The following C8orf34 variants were observed in gnomAD, a reference collection of about 807,000 sequenced individuals.
C8orf34 encodes chromosome 8 open reading frame 34.
A neutral mutation model predicts 68.3 loss-of-function variants in C8orf34; 65 were observed. The ratio of observed to expected loss-of-function variants is 0.95; its 90% CI spans 0.78 to 1.17. The LOEUF (loss-of-function observed/expected upper bound fraction) is 1.17. Among genes scored for constraint, C8orf34 ranks in the 50% most tolerant of loss-of-function variants. The pLI, the probability that C8orf34 is intolerant of heterozygous loss-of-function variation, is 0.00. For missense variants in C8orf34, 664 were observed against 655.4 expected, an observed-to-expected ratio of 1.01 and a Z score of -0.14; for synonymous variants, 244 against 241.2, an observed-to-expected ratio of 1.01 and a Z score of -0.11.
intron 6 of C8orf34, among the ~76,000 whole-genome samples, chr8:68,527,326 G>C (rs950593293): frequency 2.6e-5 from 4 of 152,128 alleles, no homozygotes; most frequent in African/African-American, 9.7e-5. Context: ...GCCTGTAAGC[G>C]CTCTGGGAGG....
intron 1 of C8orf34, among the ~76,000 whole-genome samples, chr8:68,351,361 C>T (rs538539247): frequency 3.3e-4 from 50 of 152,080 alleles, no homozygotes; most frequent in African/African-American, 1.2e-3. Context: ...TGTATGTGAA[C>T]TGCCTTTTCT....
At chr8:68,774,676 C>A (rs1459265209) in intron 10 of C8orf34, among the ~76,000 whole-genome samples, 1 of 151,868 alleles carries the variant, frequency 6.6e-6, no homozygotes, top group Non-Finnish European at 1.5e-5. Context: ...ATTTCTAGCT[C>A]AATTTTTGTT....
chr8:68,384,263 C>T (rs994278260), intron 1 of C8orf34, among the ~76,000 whole-genome samples: 2 of 152,086 alleles, frequency 1.3e-5, no homozygotes, highest in Non-Finnish European at 2.9e-5. Flanking sequence ...AAAATGACAG[C>T]AACAGCAAAA....
chr8:68,573,679 A>C (rs753288511), intron 7 of C8orf34, among the ~76,000 whole-genome samples: 1 of 152,196 alleles, frequency 6.6e-6, no homozygotes, highest in African/African-American at 2.4e-5. Flanking sequence ...CTGGTATTGC[A>C]TAACCACATT....
chr8:68,430,266 C>G (rs997428175), intron 1 of C8orf34, among the ~76,000 whole-genome samples: 1 of 152,146 alleles, frequency 6.6e-6, no homozygotes, highest in Non-Finnish European at 1.5e-5. Context: ...ATGGTGCACC[C>G]CGACCCCACA....
intron 10 of C8orf34, among the ~76,000 whole-genome samples, chr8:68,763,624 A>G (rs1823085488): frequency 6.7e-6 from 1 of 149,836 alleles, no homozygotes; most frequent in Non-Finnish European, 1.5e-5. Flanking sequence ...ATCTCTTGCT[A>G]CTAGAATATC....
chr8:68,737,984 T>G (rs1264393296), intron 10 of C8orf34, among the ~76,000 whole-genome samples: 1 of 152,116 alleles, frequency 6.6e-6, no homozygotes, highest in Non-Finnish European at 1.5e-5. Flanking sequence ...TTCTTCTTAT[T>G]GCCACATGGC....
At chr8:68,381,909 T>C (rs1171511324) in intron 1 of C8orf34, among the ~76,000 whole-genome samples, 1 of 152,166 alleles carries the variant, frequency 6.6e-6, no homozygotes, top group African/African-American at 2.4e-5. Context: ...TGCTCCTTCA[T>C]AGACATAACT....
In C8orf34 at chr8:68,373,913, G is replaced by A. The variant is rs111401792; in HGVS notation, c.327+42574G>A. Among the ~76,000 whole-genome samples the A allele has an allele frequency of 6.6e-3, 1,006 of 152,084 alleles. 13 individuals carry two copies. Among genetic ancestry groups the A allele is most frequent in the African/African-American group, 0.023 (955 of 41,516 alleles). ...ATATTCTAGTTCTTTCCTTTCTTAT[G>A]TTTTTTTGTTTGTTTATTTCTCAGA... On this transcript the variant is annotated intron_variant, in intron 1 of 13. Transcript: ENST00000518698.
intron 10 of C8orf34, among the ~76,000 whole-genome samples, chr8:68,737,528 T>A (rs1242561585): frequency 1.3e-5 from 2 of 151,774 alleles, no homozygotes; most frequent in African/African-American, 2.4e-5. Flanking sequence ...AAGAGACCCA[T>A]CTCATATGCA....
In C8orf34 at chr8:68,698,089, G is replaced by C. The variant is rs1820888426; in HGVS notation, c.1242-10905G>C. 2.6e-5 allele frequency among the ~76,000 whole-genome samples: 4 copies of C among 152,008 alleles called. No homozygotes were observed. In the South Asian group the frequency reaches 8.3e-4, roughly 31 times the overall value. ...AACTTTCTAAAGAAGGTTGCTATGA[G>C]GCTACCCCTGATTCATTTCTTCTTG... On this transcript the variant is annotated intron_variant, in intron 8 of 13. Coordinates refer to ENST00000518698, the MANE Select transcript of C8orf34 (RefSeq NM_052958.4).
chr8:68,465,317 A>T (rs1385298354), intron 3 of C8orf34, among the ~76,000 whole-genome samples: 1 of 149,728 alleles, frequency 6.7e-6, no homozygotes, highest in African/African-American at 2.5e-5. Flanking sequence ...GCTGGAGAGG[A>T]TGTGGAGAAA....
intron 8 of C8orf34, among the ~76,000 whole-genome samples, chr8:68,681,807 T>G (rs1820378927): frequency 6.6e-6 from 1 of 152,116 alleles, no homozygotes; most frequent in Admixed American, 6.6e-5. Flanking sequence ...AAAGTGCACA[T>G]GTACACAATG....
chr8:68,333,911 T>C (rs1234770798), intron 1 of C8orf34, among the ~76,000 whole-genome samples: 1 of 152,242 alleles, frequency 6.6e-6, no homozygotes, highest in Non-Finnish European at 1.5e-5. Flanking sequence ...CGGTATCTGA[T>C]AATATGTCCC....
chr8:68,740,219 A>G (rs1822242402), intron 10 of C8orf34, among the ~76,000 whole-genome samples: 1 of 152,208 alleles, frequency 6.6e-6, no homozygotes. Context: ...TAAAGATGCC[A>G]AAAGCAATTG....
Position 68,330,979 on chromosome 8 carries a change from G to C in C8orf34, c.-34G>C, listed in dbSNP as rs561212991. 3 of 1,356,700 alleles carry C rather than the reference G, an allele frequency of 2.2e-6. No homozygotes were observed. The highest frequency in any genetic ancestry group is 3.1e-5 in the African/African-American group (2 of 64,750). The allele number at this position is 1,356,700 out of a possible 1,614,324, so 84.0% of individuals were successfully genotyped here. A position where few individuals can be genotyped will look rare whatever the true frequency, so the allele number is the denominator to read the frequency against. On this transcript the variant is annotated 5_prime_UTR_variant, in exon 1 of 14. Coordinates refer to ENST00000518698, the MANE Select transcript of C8orf34 (RefSeq NM_052958.4). ...CACTGCGCCGGGCGCTGCGGAGAGC[G>C]GCGAGGGTGGGCGCGAGGCGGAGAA...
chr8:68,700,911 A>G (rs1820997014), intron 8 of C8orf34, among the ~76,000 whole-genome samples: 1 of 152,130 alleles, frequency 6.6e-6, no homozygotes, highest in Non-Finnish European at 1.5e-5. Flanking sequence ...AAGTAACTTG[A>G]TGAATGTTGT....
At chr8:68,585,530 C>G (rs926044865) in intron 7 of C8orf34, among the ~76,000 whole-genome samples, 1 of 152,096 alleles carries the variant, frequency 6.6e-6, no homozygotes, top group Non-Finnish European at 1.5e-5. Context: ...TGCTGCATAA[C>G]AAATTATTCT....
intron 3 of C8orf34, among the ~76,000 whole-genome samples, chr8:68,466,905 CTA>C (rs1027003441): frequency 7.1e-4 from 107 of 151,512 alleles, no homozygotes; most frequent in African/African-American, 2.3e-3. Context: ...TAGTTGGAGA[CTA>C]TTTCCTATGT....
Sources: allele counts gnomAD v4.1 joint callset (sites outside exome capture counted in the v4.1 genomes callset), GRCh38; gene constraint gnomAD v4.1.1; transcripts MANE v1.5; gene names NCBI Gene and HGNC (gene_info 2026-07-23, HGNC 2026-07-21).